Variants in TNS4 observed in about 807,000 individuals in gnomAD.
TNS4 encodes tensin-4.
TNS4 carries 46 observed loss-of-function variants against 70.4 expected under a neutral mutation model. That is an observed-to-expected ratio of 0.65 (90% CI 0.52 to 0.84). The LOEUF (loss-of-function observed/expected upper bound fraction) is 0.84, where lower values mean the gene tolerates loss of function less well. TNS4 is among the 40% of genes least tolerant of loss of function. The probability of loss-of-function intolerance (pLI) is 0.00; values close to 1 mark genes in which losing one functional copy is unlikely to be tolerated. For missense variants in TNS4, 863 were observed against 907.0 expected, an observed-to-expected ratio of 0.95 and a Z score of 0.62; for synonymous variants, 390 against 366.6, an observed-to-expected ratio of 1.06 and a Z score of -0.73.
At chr17:40,482,727 G>A (rs944409014) in intron 6 of TNS4, among the ~76,000 whole-genome samples, 9 of 151,574 alleles carry the variant, frequency 5.9e-5, no homozygotes, top group Non-Finnish European at 1.2e-4. Context: ...GCAGTGAGCC[G>A]AGATTGTGCT....
At chr17:40,484,878 A>G (rs1265883175) in intron 5 of TNS4, 43 bp downstream of exon 5, 1 of 1,604,600 alleles carries the variant, frequency 6.2e-7, no homozygotes, top group Non-Finnish European at 8.5e-7. Flanking sequence ...TGCAAAGTGC[A>G]AGACCCAGAC....
At chr17:40,495,836 G>A (rs72819661) in intron 2 of TNS4, 151 bp downstream of exon 2, 24,726 of 735,332 alleles carry the variant, frequency 0.034, 499 homozygotes, top group Middle Eastern at 0.05. Context: ...CCTTTGTGTA[G>A]CACAGAAAAC....
intron 1 of TNS4, among the ~76,000 whole-genome samples, chr17:40,499,379 C>T (rs2036184051): frequency 6.6e-6 from 1 of 152,198 alleles, no homozygotes; most frequent in African/African-American, 2.4e-5. Flanking sequence ...AGGAGTCTTG[C>T]TGATGCCCCC....
intron 2 of TNS4, among the ~76,000 whole-genome samples, chr17:40,492,901 G>C (rs1334663043): frequency 6.6e-6 from 1 of 152,054 alleles, no homozygotes; most frequent in Non-Finnish European, 1.5e-5. Flanking sequence ...AAAAAAATTA[G>C]CTGGGCATAG....
intron 4 of TNS4, among the ~76,000 whole-genome samples, chr17:40,485,639 C>T (rs1371283754): frequency 6.6e-6 from 1 of 152,152 alleles, no homozygotes; most frequent in African/African-American, 2.4e-5. Context: ...GAATATTTTG[C>T]AGAATTTGAT....
chr17:40,479,596 G>T, intron 10 of TNS4, 78 bp downstream of exon 10: 1 of 1,533,268 alleles, frequency 6.5e-7, no homozygotes. Context: ...CTTCATCCCT[G>T]ATCTGCAGCT....
At position 40,496,121 on chromosome 17, in the gene TNS4, A is replaced by G. The variant is rs2036139488; in HGVS notation, c.305T>C (p.Leu102Pro). The G allele has an allele frequency of 6.2e-7, 1 of 1,610,588 alleles. No individual in the cohort carries two copies. The highest frequency in any genetic ancestry group is 1.3e-5 in the African/African-American group (1 of 74,734). ...CAGGATCATCTGATTGAGGCTCTCC[A>G]GTGAGAAGTCAATGTAGGAGTCAAG... is the stretch of plus-strand genomic sequence containing the variant. ...EDLDSYIDFS[L>P]ESLNQMILEL... The change falls in exon 2 of 13, where the codon CTG becomes CCG. Residue 102 changes from leucine to proline, a missense_variant. Coordinates refer to ENST00000254051, the MANE Select transcript of TNS4 (RefSeq NM_032865.6).
In TNS4 at chr17:40,476,460, G is replaced by A. The variant is rs1176310901; in HGVS notation, c.*1128C>T. The A allele has an allele frequency of 6.6e-6, 1 of 152,244 alleles. No homozygotes were observed. Among genetic ancestry groups the A allele is most frequent in the Non-Finnish European group, 1.4e-5 (1 of 68,992 alleles). 9.4% of individuals were successfully genotyped at this position (152,244 alleles called of 1,614,324 possible). On this transcript the variant is annotated 3_prime_UTR_variant, in exon 13 of 13. Transcript: ENST00000254051. ...CGTGGGTTGGGGGAGGGCTCAGCAA[G>A]ACAGGAGCTGAGGCAGAATCACAGA...
chr17:40,498,564 T>G (rs2036173175), intron 1 of TNS4, among the ~76,000 whole-genome samples: 1 of 152,118 alleles, frequency 6.6e-6, no homozygotes, highest in African/African-American at 2.4e-5. Flanking sequence ...GTCCTCTTGT[T>G]TTTTTTTCTT....
At chr17:40,482,470 G>A (rs540086424) in intron 6 of TNS4, 54 bp from the exon 7 acceptor site, 64 of 1,578,450 alleles carry the variant, frequency 4.1e-5, no homozygotes, top group South Asian at 5.5e-5. Flanking sequence ...GTGGCCGGGC[G>A]CGGTGGCTCA....
At position 40,477,252 on chromosome 17, in the gene TNS4, G is replaced by A. The variant is rs552138024; in HGVS notation, c.*336C>T. 2 of 216,982 alleles carry A rather than the reference G, an allele frequency of 9.2e-6. No homozygotes were observed. The highest frequency in any genetic ancestry group is 5.4e-5 in the Admixed American group (1 of 18,638). 13.4% of individuals were successfully genotyped at this position (216,982 alleles called of 1,614,324 possible). On this transcript the variant is annotated 3_prime_UTR_variant, in exon 13 of 13. Coordinates refer to ENST00000254051, the MANE Select transcript of TNS4 (RefSeq NM_032865.6). ...CAGGGCCCAGGTCGATGGGGTCAGA[G>A]GGTCCTTGGAGGTTATTTTCATGCA...
At chr17:40,480,106 G>C (rs1029760848) in intron 9 of TNS4, 6 of 456,654 alleles carry the variant, frequency 1.3e-5, no homozygotes, top group Admixed American at 3.8e-5. Flanking sequence ...CCTGTGTGTA[G>C]AGGTGCCCAG....
rs762836220 is a variant in TNS4, at chr17:40,484,598, G to A, written c.1387C>T (p.Leu463=). ...NITREQAIEL[L]RKEEPGAFVI... is the part of the protein sequence containing the mutation. ...AAAGCCCCTGGCTCCTCCTTCCTCA[G>A]CAGCTCGATTGCTGGAACAATCCTT... Residue 463 remains leucine, a synonymous_variant, in exon 6 of 13, where the codon CTG becomes TTG. Coordinates refer to ENST00000254051, the MANE Select transcript of TNS4 (RefSeq NM_032865.6). 2.5e-6 allele frequency: 4 copies of A among 1,612,324 alleles called. No homozygotes were observed. The highest frequency in any genetic ancestry group is 3.4e-6 in the Non-Finnish European group (4 of 1,180,006).
chr17:40,489,710 G>A (rs545404028), intron 2 of TNS4, among the ~76,000 whole-genome samples: 1 of 149,716 alleles, frequency 6.7e-6, no homozygotes, highest in South Asian at 2.1e-4. Context: ...TACAAGAATC[G>A]CTTGAACCCG....
chr17:40,495,911 G>A (rs1016944285), intron 2 of TNS4, 76 bp downstream of exon 2: 3 of 1,498,794 alleles, frequency 2.0e-6, no homozygotes, highest in East Asian at 2.3e-5. Flanking sequence ...CCCCTTCTCT[G>A]TACATAGGAA....
chr17:40,479,854 A>T lies in TNS4; in HGVS notation c.1742-12T>A. The T allele has an allele frequency of 1.2e-6, 2 of 1,604,174 alleles. No homozygotes were observed. Among genetic ancestry groups the T allele is most frequent in the Non-Finnish European group, 1.7e-6 (2 of 1,175,754 alleles). On this transcript the variant is annotated splice_polypyrimidine_tract_variant and intron_variant, in intron 9 of 12. Coordinates refer to ENST00000254051, the MANE Select transcript of TNS4 (RefSeq NM_032865.6). Reference sequence around the variant, plus strand: ...CAGGGTGTGGCAGCCTGTGGGAGGCAGACACTGCGCTGGGGCCACTGACCC... The same window carrying T: ...CAGGGTGTGGCAGCCTGTGGGAGGCTGACACTGCGCTGGGGCCACTGACCC...
chr17:40,487,601 C>G, intron 3 of TNS4, 141 bp from the exon 4 acceptor site: 1 of 781,270 alleles, frequency 1.3e-6, no homozygotes, highest in Non-Finnish European at 2.0e-6. Flanking sequence ...CTACAGCCCA[C>G]AGCAAAGTGC....
intron 1 of TNS4, among the ~76,000 whole-genome samples, chr17:40,499,921 T>TTTGGACACAGC (rs2036191588): frequency 6.6e-6 from 1 of 152,210 alleles, no homozygotes; most frequent in African/African-American, 2.4e-5. Context: ...TGCTTACTAA[T>TTTGGACACAGC]TTGGACACAG....
rs775475541 is a variant in TNS4, at chr17:40,488,738, C to T, written c.671G>A (p.Arg224Gln). 166 of 1,589,224 alleles carry T rather than the reference C, an allele frequency of 1.0e-4. 6 individuals are homozygous for T. The South Asian group carries it at 1.6e-3, about 16-fold the overall frequency. Residue 224 changes from arginine to glutamine, a missense_variant, in exon 3 of 13, where the codon CGA (arginine) becomes CAA (glutamine). Coordinates refer to ENST00000254051, the MANE Select transcript of TNS4 (RefSeq NM_032865.6). Reference protein sequence around the residue: ...PLPPSEGLSPRPPNSPSISIP... With the variant: ...PLPPSEGLSPQPPNSPSISIP... ...TGAGATGCTGGGGGAATTTGGGGGTCGAGGGGAGAGACCCTCTGAGGGGGG... is the reference window on the plus strand; with the variant it reads ...TGAGATGCTGGGGGAATTTGGGGGTTGAGGGGAGAGACCCTCTGAGGGGGG...
Sources: gnomAD v4.1 joint callset for allele counts (sites outside exome capture counted in the v4.1 genomes callset) on GRCh38, gnomAD v4.1.1 for gene constraint, MANE v1.5 for transcripts, NCBI Gene and HGNC (gene_info 2026-07-23, HGNC 2026-07-21) for gene names.